The following SLCO6A1 variants were observed in gnomAD, a reference collection of about 807,000 sequenced individuals.
SLCO6A1 encodes the protein solute carrier organic anion transporter family member 6A1.
Under a neutral mutation model 72.7 loss-of-function variants are expected in SLCO6A1, and 65 were observed. That is an observed-to-expected ratio of 0.89 (90% confidence interval 0.73 to 1.10). The LOEUF is 1.10. SLCO6A1 is among the 50% of genes least tolerant of loss of function. SLCO6A1 has a pLI of 0.00. For synonymous variants in SLCO6A1, 314 were observed against 298.2 expected (o/e 1.05, Z -0.55); for missense variants, 874 against 872.6 (o/e 1.00, Z -0.02).
At chr5:102,374,038 CTT>C (rs11352231) in intron 12 of SLCO6A1, among the ~76,000 whole-genome samples, 69 of 144,724 alleles carry the variant, frequency 4.8e-4, no homozygotes, top group African/African-American at 1.5e-3. Context: ...TAAATTAATT[CTT>C]TTTTTTTTTT....
chr5:102,490,196 C>A (rs557105938), intron 1 of SLCO6A1, among the ~76,000 whole-genome samples: 1 of 152,106 alleles, frequency 6.6e-6, no homozygotes, highest in South Asian at 2.1e-4. Context: ...TAGAGTCACC[C>A]TATTAACAAT....
chr5:102,495,934 A>T (rs1752891268), intron 1 of SLCO6A1, among the ~76,000 whole-genome samples: 1 of 152,240 alleles, frequency 6.6e-6, no homozygotes, highest in African/African-American at 2.4e-5. Context: ...AGTGTTCCAG[A>T]TTAAAGAAGA....
chr5:102,477,898 A>C, intron 2 of SLCO6A1, 37 bp from the exon 3 acceptor site: 1 of 1,537,820 alleles, frequency 6.5e-7, no homozygotes, highest in Non-Finnish European at 8.8e-7. Context: ...TTGTTAATTG[A>C]ACTCAAACAT....
chr5:102,457,492 C>G (rs1323788794), intron 6 of SLCO6A1, among the ~76,000 whole-genome samples: 1 of 152,004 alleles, frequency 6.6e-6, no homozygotes, highest in Non-Finnish European at 1.5e-5. Flanking sequence ...CCAAAAGACA[C>G]ATGAAAAAAT....
chr5:102,445,428 G>A (rs1038796468), intron 6 of SLCO6A1, among the ~76,000 whole-genome samples: 1 of 152,024 alleles, frequency 6.6e-6, no homozygotes, highest in Non-Finnish European at 1.5e-5. Context: ...TTATAGTGGG[G>A]TTGTTTGGGG....
rs372148018 is a variant in SLCO6A1, at chr5:102,430,044, T to C, written c.1276+8573A>G. Among the ~76,000 whole-genome samples, 6 of 152,252 alleles carry C rather than the reference T, an allele frequency of 3.9e-5. No homozygotes were observed. In the East Asian group the frequency reaches 9.7e-4, roughly 25 times the overall value. On this transcript the variant is annotated intron_variant, in intron 7 of 13. Coordinates refer to ENST00000506729, the MANE Select transcript of SLCO6A1 (RefSeq NM_173488.5). ...TTCCCGGGTTAGCTGCATTCCTAGG[T>C]ATTTAAATCTTTTTGTGGAAACTGT...
intron 12 of SLCO6A1, among the ~76,000 whole-genome samples, chr5:102,384,499 A>G (rs1746298709): frequency 6.6e-6 from 1 of 151,572 alleles, no homozygotes; most frequent in Non-Finnish European, 1.5e-5. Context: ...TAACTTTTTT[A>G]TATTTTGATC....
intron 7 of SLCO6A1, among the ~76,000 whole-genome samples, chr5:102,429,785 G>C (rs1182136544): frequency 6.6e-6 from 1 of 151,342 alleles, no homozygotes; most frequent in South Asian, 2.1e-4. Context: ...TTGGCTATTC[G>C]AGCTCTTTTT....
At chr5:102,423,682 T>G (rs1189152274) in intron 7 of SLCO6A1, among the ~76,000 whole-genome samples, 1 of 152,174 alleles carries the variant, frequency 6.6e-6, no homozygotes, top group Non-Finnish European at 1.5e-5. Context: ...TGGGACACTT[T>G]AACACCCCAC....
chr5:102,449,233 C>T (rs6893723), intron 6 of SLCO6A1, among the ~76,000 whole-genome samples: 99,412 of 151,922 alleles, frequency 0.65, 32,782 homozygotes, highest in African/African-American at 0.69. Flanking sequence ...ACAGGTCTAC[C>T]GTTAGCTTGA....
chr5:102,492,231 G>A (rs1752716331), intron 1 of SLCO6A1, among the ~76,000 whole-genome samples: 1 of 152,096 alleles, frequency 6.6e-6, no homozygotes, highest in Non-Finnish European at 1.5e-5. Context: ...GACTCTATTG[G>A]AAAGAATGGA....
chr5:102,484,709 A>G lies in SLCO6A1; in HGVS notation c.359-4275T>C, dbSNP rs115086551. 7.2e-3 allele frequency among the ~76,000 whole-genome samples: 1,103 copies of G among 152,290 alleles called. 9 individuals carry two copies. Among genetic ancestry groups the G allele is most frequent in the African/African-American group, 0.025 (1,039 of 41,562 alleles). On this transcript the variant is annotated intron_variant, in intron 1 of 13. Coordinates refer to ENST00000506729, the MANE Select transcript of SLCO6A1 (RefSeq NM_173488.5). Reference sequence around the variant, plus strand: ...ATAAATTACTTTTATTACATTGGTGAAGCTGAAAAAGTTTACTTAAAACAT... The same window carrying G: ...ATAAATTACTTTTATTACATTGGTGGAGCTGAAAAAGTTTACTTAAAACAT...
intron 1 of SLCO6A1, among the ~76,000 whole-genome samples, chr5:102,493,700 T>G (rs1752786283): frequency 6.6e-6 from 1 of 152,178 alleles, no homozygotes; most frequent in South Asian, 2.1e-4. Context: ...GAAGTAAAAC[T>G]GTCCTTATTC....
At chr5:102,488,927 T>C (rs941425454) in intron 1 of SLCO6A1, among the ~76,000 whole-genome samples, 4 of 152,148 alleles carry the variant, frequency 2.6e-5, no homozygotes, top group African/African-American at 7.2e-5. Context: ...CATTCAAATA[T>C]TGGGAGAATT....
chr5:102,463,984 A>C, intron 4 of SLCO6A1, among the ~76,000 whole-genome samples: 1 of 152,128 alleles, frequency 6.6e-6, no homozygotes, highest in East Asian at 1.9e-4. Context: ...GTGGGAGCTA[A>C]GCTATGAGCA....
Position 102,498,739 on chromosome 5 carries a change from T to G in SLCO6A1, c.106A>C (p.Lys36Gln). Residue 36 changes from lysine to glutamine, a missense_variant, in exon 1 of 14, where the codon AAG becomes CAG. Transcript: ENST00000506729. Reference sequence around the variant, plus strand: ...GGCTTCGAGGACTTCGGGGTTCCCTTGGCCCTCCTGTCCTTAGCAGGCTGG... The same window carrying G: ...GGCTTCGAGGACTTCGGGGTTCCCTGGGCCCTCCTGTCCTTAGCAGGCTGG... ...RAQPAKDRRA[K>Q]GTPKSSKPGK... The G allele has an allele frequency of 6.2e-7, 1 of 1,614,164 alleles. No homozygotes were observed. The highest frequency in any genetic ancestry group is 8.5e-7 in the Non-Finnish European group (1 of 1,180,020).
chr5:102,454,408 G>A (rs969250826), intron 6 of SLCO6A1, among the ~76,000 whole-genome samples: 6 of 152,192 alleles, frequency 3.9e-5, no homozygotes, highest in African/African-American at 9.6e-5. Context: ...TTTCAAAATA[G>A]TTGTTGACAA....
chr5:102,431,413 C>G (rs1459379708), intron 7 of SLCO6A1, among the ~76,000 whole-genome samples: 1 of 152,086 alleles, frequency 6.6e-6, no homozygotes, highest in Non-Finnish European at 1.5e-5. Context: ...TTTCCCTCTT[C>G]ATACTGCCTT....
At chr5:102,391,935 T>C (rs1746784203) in intron 10 of SLCO6A1, among the ~76,000 whole-genome samples, 1 of 152,104 alleles carries the variant, frequency 6.6e-6, no homozygotes, top group Non-Finnish European at 1.5e-5. Context: ...ACCGTACATA[T>C]TAGGAGTTTG....
Sources: allele counts gnomAD v4.1 joint callset (sites outside exome capture counted in the v4.1 genomes callset), GRCh38; gene constraint gnomAD v4.1.1; transcripts MANE v1.5; gene names NCBI Gene and HGNC (gene_info 2026-07-23, HGNC 2026-07-21).